ADAMTS16: variants seen among roughly 807,000 people sequenced by gnomAD.
The protein encoded by ADAMTS16 is A disintegrin and metalloproteinase with thrombospondin motifs 16.
ADAMTS16 carries 94 observed loss-of-function variants against 145.8 expected under a neutral mutation model. That is an observed-to-expected ratio of 0.64 (90% CI 0.55 to 0.77). ADAMTS16 has a LOEUF of 0.77. ADAMTS16 is among the 30% of genes least tolerant of loss of function. The pLI is 0.00. For missense variants in ADAMTS16, 1,585 were observed against 1,591.5 expected, an observed-to-expected ratio of 1.00 and a Z score of 0.07; for synonymous variants, 659 against 604.3, an observed-to-expected ratio of 1.09 and a Z score of -1.33.
rs576287674 is a variant in ADAMTS16, at chr5:5,222,346, T to TGGAA, written c.1606-440_1606-439insAGGA. Among the ~76,000 whole-genome samples the TGGAA allele has an allele frequency of 9.2e-5, 14 of 152,128 alleles. 1 individual carries two copies. The South Asian group carries it at 2.9e-3, about 32-fold the overall frequency. On this transcript the variant is annotated intron_variant, in intron 10 of 22. Transcript: ENST00000274181. ...ATGGATGGATGGATGGATGGATGGATGGATGGATGGACAAGTGAACAAGCA... is the reference window on the plus strand; with the variant it reads ...ATGGATGGATGGATGGATGGATGGATGGAAGGATGGATGGACAAGTGAACAAGCA...
At chr5:5,220,691 T>C (rs528849420) in intron 10 of ADAMTS16, among the ~76,000 whole-genome samples, 3 of 152,064 alleles carry the variant, frequency 2.0e-5, no homozygotes, top group African/African-American at 7.2e-5. Flanking sequence ...ACACATTACC[T>C]ATAACCACTG....
chr5:5,275,598 T>C (rs1738656542), intron 18 of ADAMTS16, among the ~76,000 whole-genome samples: 1 of 152,224 alleles, frequency 6.6e-6, no homozygotes, highest in South Asian at 2.1e-4. Flanking sequence ...AATTCCACTT[T>C]GTATTGTTAG....
chr5:5,280,070 C>A (rs1395725857), intron 18 of ADAMTS16, among the ~76,000 whole-genome samples: 1 of 151,356 alleles, frequency 6.6e-6, no homozygotes, highest in African/African-American at 2.4e-5. Flanking sequence ...CTCCACAATC[C>A]TTCCAGTGTC....
chr5:5,287,873 G>T (rs1395392187), intron 18 of ADAMTS16, among the ~76,000 whole-genome samples: 1 of 152,164 alleles, frequency 6.6e-6, no homozygotes, highest in Non-Finnish European at 1.5e-5. Context: ...CCCACGCACT[G>T]GTGGAGCTCA....
intron 3 of ADAMTS16, among the ~76,000 whole-genome samples, chr5:5,174,868 C>T (rs1015752373): frequency 1.3e-5 from 2 of 152,060 alleles, no homozygotes; most frequent in African/African-American, 4.8e-5. Flanking sequence ...CATTCAAGGC[C>T]CAAGGTGTCT....
At position 5,187,809 on chromosome 5, in the gene ADAMTS16, G is replaced by C. The variant is rs748904944; in HGVS notation, c.1047+1G>C. ...TCTGATTCTTCTAGAAGATGAACAG[G>C]TAGTTTATCTTTGAAACTATCTACT... On this transcript the variant is annotated splice_donor_variant, in intron 6 of 22. Coordinates refer to ENST00000274181, the MANE Select transcript of ADAMTS16 (RefSeq NM_139056.4). LOFTEE classifies it high-confidence loss of function. 1.9e-6 allele frequency: 3 copies of C among 1,569,496 alleles called. No homozygotes were observed. The highest frequency in any genetic ancestry group is 2.6e-6 in the Non-Finnish European group (3 of 1,140,474).
intron 17 of ADAMTS16, among the ~76,000 whole-genome samples, chr5:5,249,566 G>A (rs1027454395): frequency 1.3e-5 from 2 of 152,108 alleles, no homozygotes; most frequent in African/African-American, 4.8e-5. Context: ...TGGCTCCTGC[G>A]TGGCGGAAGC....
intron 3 of ADAMTS16, among the ~76,000 whole-genome samples, chr5:5,152,550 C>A (rs1175257819): frequency 6.6e-6 from 1 of 152,108 alleles, no homozygotes; most frequent in Non-Finnish European, 1.5e-5. Context: ...GGCTTGCCTC[C>A]CCTGTAGTGC....
chr5:5,197,567 T>A (rs12518805), intron 8 of ADAMTS16, among the ~76,000 whole-genome samples: 1 of 152,096 alleles, frequency 6.6e-6, no homozygotes, highest in African/African-American at 2.4e-5. Context: ...TATTTATGAC[T>A]TTAGCAAATG....
intron 10 of ADAMTS16, among the ~76,000 whole-genome samples, chr5:5,212,256 G>A (rs1736293893): frequency 6.9e-6 from 1 of 144,138 alleles, no homozygotes; most frequent in Non-Finnish European, 1.5e-5. Flanking sequence ...CACCCAGGCT[G>A]GAGTGCAGTG....
Position 5,319,267 on chromosome 5 carries a change from C to A in ADAMTS16, c.*129C>A. 2 of 714,746 alleles carry A rather than the reference C, an allele frequency of 2.8e-6. No individual in the cohort carries two copies. The highest frequency in any genetic ancestry group is 1.7e-5 in the African/African-American group (1 of 57,410). 44.3% of individuals were successfully genotyped at this position (714,746 alleles called of 1,614,324 possible). Reference sequence around the variant, plus strand: ...GCCAAAAGAAGAAAACCGTGTTAGGCTCTTTGACCAGGAGTGTATGTATGT... The same window carrying A: ...GCCAAAAGAAGAAAACCGTGTTAGGATCTTTGACCAGGAGTGTATGTATGT... On this transcript the variant is annotated 3_prime_UTR_variant, in exon 23 of 23. Coordinates refer to ENST00000274181, the MANE Select transcript of ADAMTS16 (RefSeq NM_139056.4).
At chr5:5,258,477 C>G (rs992634546) in intron 17 of ADAMTS16, among the ~76,000 whole-genome samples, 1 of 152,244 alleles carries the variant, frequency 6.6e-6, no homozygotes, top group African/African-American at 2.4e-5. Context: ...GAAGCACAGC[C>G]TGGCACTCCG....
At chr5:5,189,574 T>A (rs1383536004) in intron 6 of ADAMTS16, among the ~76,000 whole-genome samples, 1 of 152,242 alleles carries the variant, frequency 6.6e-6, no homozygotes, top group Non-Finnish European at 1.5e-5. Flanking sequence ...GATAAACATA[T>A]CACCATCTAG....
chr5:5,305,529 C>T (rs1022625095), intron 20 of ADAMTS16, among the ~76,000 whole-genome samples: 1 of 147,024 alleles, frequency 6.8e-6, no homozygotes, highest in African/African-American at 2.5e-5. Flanking sequence ...CACACTCACA[C>T]ATCCCACACC....
chr5:5,319,973 C>T lies in ADAMTS16; in HGVS notation c.*835C>T, dbSNP rs779167548. On this transcript the variant is annotated 3_prime_UTR_variant, in exon 23 of 23. Coordinates refer to ENST00000274181, the MANE Select transcript of ADAMTS16 (RefSeq NM_139056.4). ...TCGAAGTATAGGTTACATCAAAACCCTACCATCCTGAGAAGAGTTATGGTT... is the reference window on the plus strand; with the variant it reads ...TCGAAGTATAGGTTACATCAAAACCTTACCATCCTGAGAAGAGTTATGGTT... 15 of 452,848 alleles carry T rather than the reference C, an allele frequency of 3.3e-5. No individual in the cohort carries two copies. Among genetic ancestry groups the T allele is most frequent in the African/African-American group, 1.8e-4 (9 of 49,816 alleles). The allele number at this position is 452,848 out of a possible 1,614,324, so 28.1% of individuals were successfully genotyped here. A position where few individuals can be genotyped will look rare whatever the true frequency, so the allele number is the denominator to read the frequency against.
chr5:5,216,606 T>C (rs1736447404), intron 10 of ADAMTS16, among the ~76,000 whole-genome samples: 2 of 124,876 alleles, frequency 1.6e-5, no homozygotes, highest in Non-Finnish European at 3.2e-5. Context: ...TTTTTTTTTT[T>C]CTATTTTTTT....
At chr5:5,206,486 A>G (rs991826709) in intron 9 of ADAMTS16, among the ~76,000 whole-genome samples, 47 of 137,084 alleles carry the variant, frequency 3.4e-4, no homozygotes, top group African/African-American at 1.1e-3. Flanking sequence ...TTATTTATTT[A>G]TTTTATTTTT....
chr5:5,241,519 C>T (rs1033318602), intron 16 of ADAMTS16, among the ~76,000 whole-genome samples: 9 of 152,214 alleles, frequency 5.9e-5, no homozygotes, highest in African/African-American at 2.2e-4. Flanking sequence ...ATACCTATTG[C>T]TGTTGAAGTG....
rs377264108 is a variant in ADAMTS16, at chr5:5,248,110, G to A, written c.2662+5919G>A. ...CTCATGCGTTCATTTATGGAACACCGTCTGGTTTTCCATGTAATTTTGCTT... is the reference window on the plus strand; with the variant it reads ...CTCATGCGTTCATTTATGGAACACCATCTGGTTTTCCATGTAATTTTGCTT... On this transcript the variant is annotated intron_variant, in intron 17 of 22. Transcript: ENST00000274181. 5.9e-5 allele frequency among the ~76,000 whole-genome samples: 9 copies of A among 152,308 alleles called. No homozygotes were observed. In the South Asian group the frequency reaches 6.2e-4, roughly 11 times the overall value.
Sources: gnomAD v4.1 joint callset for allele counts (sites outside exome capture counted in the v4.1 genomes callset) on GRCh38, gnomAD v4.1.1 for gene constraint, MANE v1.5 for transcripts, NCBI Gene and HGNC (gene_info 2026-07-23, HGNC 2026-07-21) for gene names.